Variants in PCDHA5 observed in about 807,000 individuals in gnomAD.
PCDHA5 encodes protocadherin alpha 5, also known as protocadherin alpha-5.
A neutral mutation model predicts 61.6 loss-of-function variants in PCDHA5; 43 were observed. The observed-to-expected ratio is 0.70, with a 90% confidence interval of 0.55 to 0.90. The LOEUF is 0.90. PCDHA5 is among the 40% of genes least tolerant of loss of function. PCDHA5 has a pLI of 0.00. For synonymous variants in PCDHA5, 627 were observed against 543.9 expected (o/e 1.15, Z -2.13); for missense variants, 1,298 against 1,222.7 (o/e 1.06, Z -0.92).
chr5:140,957,327 A>G (rs1554222920), intron 1 of PCDHA5, among the ~76,000 whole-genome samples: 1 of 152,182 alleles, frequency 6.6e-6, no homozygotes, highest in East Asian at 1.9e-4. Context: ...AGCACAGTAC[A>G]GTAAGATATT....
chr5:140,886,268 A>C (rs1250080024), intron 1 of PCDHA5, among the ~76,000 whole-genome samples: 2 of 151,920 alleles, frequency 1.3e-5, no homozygotes, highest in Non-Finnish European at 2.9e-5. Flanking sequence ...TTATAGATAA[A>C]ATTTTTTAAA....
intron 1 of PCDHA5, among the ~76,000 whole-genome samples, chr5:140,935,679 T>C (rs2090497566): frequency 6.6e-6 from 1 of 152,190 alleles, no homozygotes; most frequent in South Asian, 2.1e-4. Context: ...GTGAAATATT[T>C]ACATGGCTCC....
At chr5:140,977,955 C>T (rs1280190913) in intron 1 of PCDHA5, among the ~76,000 whole-genome samples, 1 of 152,170 alleles carries the variant, frequency 6.6e-6, no homozygotes, top group African/African-American at 2.4e-5. Context: ...GACAGGGCCA[C>T]CTCAATCTCC....
chr5:140,989,775 C>G (rs1286076429), intron 3 of PCDHA5, among the ~76,000 whole-genome samples: 1 of 152,178 alleles, frequency 6.6e-6, no homozygotes, highest in Non-Finnish European at 1.5e-5. Flanking sequence ...CAAGCACTGG[C>G]TAGAGACTAG....
intron 1 of PCDHA5, among the ~76,000 whole-genome samples, chr5:140,947,064 A>G (rs1554218040): frequency 6.6e-6 from 1 of 151,738 alleles, no homozygotes; most frequent in African/African-American, 2.4e-5. Flanking sequence ...TACACAGTGT[A>G]TATATGTATT....
At chr5:140,836,507 C>T (rs1412547967) in intron 1 of PCDHA5, 3 of 1,613,748 alleles carry the variant, frequency 1.9e-6, no homozygotes, top group Non-Finnish European at 2.5e-6. Flanking sequence ...GCGCGGTGTC[C>T]AGTCTGTTGG....
intron 1 of PCDHA5, chr5:140,928,846 C>A: frequency 1.2e-6 from 2 of 1,614,192 alleles, no homozygotes; most frequent in Non-Finnish European, 1.7e-6. Context: ...CTCTGTCACT[C>A]TGGGTGTGCT....
intron 1 of PCDHA5, chr5:140,830,163 C>CCA: frequency 6.2e-7 from 1 of 1,613,430 alleles, no homozygotes; most frequent in African/African-American, 1.3e-5. Context: ...GGCCCAGAGG[C>CCA]GGCGCTGGTG....
intron 1 of PCDHA5, among the ~76,000 whole-genome samples, chr5:140,902,752 C>A (rs782602670): frequency 2.0e-5 from 3 of 148,884 alleles, no homozygotes; most frequent in African/African-American, 7.3e-5. Flanking sequence ...TCCATTATAT[C>A]ATTCTTATGT....
At chr5:140,972,917 C>T (rs1279060017) in intron 1 of PCDHA5, among the ~76,000 whole-genome samples, 1 of 152,074 alleles carries the variant, frequency 6.6e-6, no homozygotes, top group Non-Finnish European at 1.5e-5. Context: ...CCGCCTTGGC[C>T]TCCCAAAGTG....
chr5:141,009,539 C>G lies in PCDHA5; in HGVS notation c.2501-88C>G, dbSNP rs141154047. 10,440 of 1,522,742 alleles carry G rather than the reference C, an allele frequency of 6.9e-3. 51 individuals are homozygous for G. Among genetic ancestry groups the G allele is most frequent in the Admixed American group, 0.011 (516 of 46,760 alleles). 94.3% of individuals were successfully genotyped at this position (1,522,742 alleles called of 1,614,324 possible). A position where few individuals can be genotyped will look rare whatever the true frequency, so the allele number is the denominator to read the frequency against. ...ATTTTTCTGGGGAGGTTCAGCCTGC[C>G]TATGCAGTACTCCTGTACTCTACCA... On this transcript the variant is annotated intron_variant, in intron 3 of 3. Transcript: ENST00000529859.
chr5:140,882,152 G>A (rs1582595300), intron 1 of PCDHA5: 2 of 1,505,314 alleles, frequency 1.3e-6, no homozygotes, highest in Non-Finnish European at 8.9e-7. Flanking sequence ...GCAGAAAGCG[G>A]AATACCTCTT....
At chr5:140,877,853 AT>A in intron 1 of PCDHA5, 2 of 1,535,524 alleles carry the variant, frequency 1.3e-6, no homozygotes, top group Non-Finnish European at 1.7e-6. Context: ...AGTTATTAAT[AT>A]TATTTAGATA....
At chr5:140,908,234 C>T (rs1262299431) in intron 1 of PCDHA5, among the ~76,000 whole-genome samples, 5 of 152,184 alleles carry the variant, frequency 3.3e-5, no homozygotes, top group Non-Finnish European at 7.3e-5. Context: ...CCTTAGTCTT[C>T]TCTTCCTCAT....
At chr5:140,881,259 C>A in intron 1 of PCDHA5, 1 of 524,594 alleles carries the variant, frequency 1.9e-6, no homozygotes, top group Non-Finnish European at 2.4e-6. Flanking sequence ...AGGTTTTACT[C>A]AGTGATGATG....
chr5:140,953,340 C>T (rs2094876353), intron 1 of PCDHA5, among the ~76,000 whole-genome samples: 1 of 152,066 alleles, frequency 6.6e-6, no homozygotes, highest in Non-Finnish European at 1.5e-5. Context: ...TAGGGCTCAC[C>T]TTCTTTTGTT....
In PCDHA5 at chr5:141,012,200, T is replaced by A. The variant is rs2098423248; in HGVS notation, c.*2263T>A. On this transcript the variant is annotated 3_prime_UTR_variant, in exon 4 of 4. Coordinates refer to ENST00000529859, the MANE Select transcript of PCDHA5 (RefSeq NM_018908.3). The stretch of plus-strand genomic sequence containing the variant: ...TAATTATAATGTATCTGTACAGCAC[T>A]TTTTACATTTGCGAAGTGCTTTCCA... 6.5e-6 allele frequency: 1 copy of A among 153,778 alleles called. No homozygotes were observed. The highest frequency in any genetic ancestry group is 1.5e-5 in the Non-Finnish European group (1 of 68,048). 9.5% of individuals were successfully genotyped at this position (153,778 alleles called of 1,614,324 possible). A position where few individuals can be genotyped will look rare whatever the true frequency, so the allele number is the denominator to read the frequency against.
chr5:140,883,547 G>A (rs782704587), intron 1 of PCDHA5: 2 of 1,614,234 alleles, frequency 1.2e-6, no homozygotes, highest in Admixed American at 1.7e-5. Flanking sequence ...GGTGGTGACC[G>A]CGCGGGACGG....
intron 1 of PCDHA5, chr5:140,836,073 G>A: frequency 1.2e-6 from 2 of 1,613,652 alleles, no homozygotes; most frequent in Non-Finnish European, 1.7e-6. Context: ...CAACGCGCCG[G>A]CACTGCTGGC....
Sources: allele counts gnomAD v4.1 joint callset (sites outside exome capture counted in the v4.1 genomes callset), GRCh38; gene constraint gnomAD v4.1.1; transcripts MANE v1.5; gene names NCBI Gene and HGNC (gene_info 2026-07-23, HGNC 2026-07-21).